Variants in LAMA5 observed in about 807,000 individuals in gnomAD.
LAMA5 encodes laminin subunit alpha-5.
LAMA5 carries 260 observed loss-of-function variants against 433.4 expected under a neutral mutation model. The observed-to-expected ratio is 0.60, with a 90% CI of 0.54 to 0.66. The LOEUF (loss-of-function observed/expected upper bound fraction) is 0.66, where lower values mean the gene tolerates loss of function less well. Among genes scored for constraint, LAMA5 ranks in the 30% least tolerant of loss-of-function variants. LAMA5 has a pLI of 0.00. For missense variants in LAMA5, 5,378 were observed against 5,258.5 expected (o/e 1.02, Z -0.70); for synonymous variants, 2,620 against 2,226.6 (o/e 1.18, Z -4.97).
Position 62,320,830 on chromosome 20 carries a change from G to T in LAMA5, c.6557C>A (p.Pro2186His), listed in dbSNP as rs1987622394. The T allele has an allele frequency of 6.2e-7, 1 of 1,612,504 alleles. No individual in the cohort carries two copies. The highest frequency in any genetic ancestry group is 1.7e-5 in the Admixed American group (1 of 59,954). ...GCCACGCAGTTGCTCGTGAATGGCGGGGAGGAGGGCGCCGGCCCGTTCCAG... is the reference window on the plus strand; with the variant it reads ...GCCACGCAGTTGCTCGTGAATGGCGTGGAGGAGGGCGCCGGCCCGTTCCAG... ...DDLERAGALLPAIHEQLRGIN... is the reference protein window; with the variant it reads ...DDLERAGALLHAIHEQLRGIN... Residue 2186 changes from proline (P) to histidine (H), a missense_variant, in exon 49 of 80, where the codon CCC (proline) becomes CAC (histidine). Physicochemically the swap from Pro to His is moderately conservative, Grantham distance 77. Coordinates refer to ENST00000252999, the MANE Select transcript of LAMA5 (RefSeq NM_005560.6).
At position 62,316,927 on chromosome 20, in the gene LAMA5, C is replaced by T. The variant is rs1441683272; in HGVS notation, c.7608G>A (p.Glu2536=). ...GCTGCAGGGCCTGGCCAGCAGCATC[C>T]TCGGCAGCCTGCACGGCCTGCAGGA... ...SRILQAVQAA[E]DAAGQALQQA... Residue 2536 remains glutamate (E), a synonymous_variant, in exon 56 of 80, where the codon GAG becomes GAA. Transcript: ENST00000252999. The T allele has an allele frequency of 2.9e-5, 45 of 1,554,318 alleles. No homozygotes were observed. Among genetic ancestry groups the T allele is most frequent in the Non-Finnish European group, 3.9e-5 (45 of 1,147,852 alleles).
intron 46 of LAMA5, 89 bp downstream of exon 46, chr20:62,322,569 C>A (rs1212149143): frequency 1.4e-6 from 2 of 1,413,216 alleles, no homozygotes; most frequent in African/African-American, 2.8e-5. Context: ...CAAACACTGC[C>A]CCTCAGCCCC....
chr20:62,318,598 T>C lies in LAMA5; in HGVS notation c.7095A>G (p.Ala2365=), dbSNP rs1987311852. The C allele has an allele frequency of 1.9e-6, 3 of 1,610,796 alleles. No individual in the cohort carries two copies. The highest frequency in any genetic ancestry group is 2.2e-5 in the East Asian group (1 of 44,816). The change falls in exon 53 of 80, where the codon GCA becomes GCG. Residue 2365 remains alanine (A), a synonymous_variant. Transcript: ENST00000252999. ...QLSSLWEENQ[A]LATQTRDRLA... ...GCCGGTCGCGGGTTTGTGTGGCCAG[T>C]GCCTGGTTCTCCTCCCAGAGGCTGC...
chr20:62,318,227 A>G (rs1174234993), intron 53 of LAMA5, among the ~76,000 whole-genome samples: 1 of 70 alleles, frequency 0.014, no homozygotes, highest in South Asian at 0.25. Flanking sequence ...AGGAGAGAGG[A>G]GAAGGGGAGA....
In LAMA5 at chr20:62,327,650, T is replaced by C. The variant is rs1295372787; in HGVS notation, c.4817A>G (p.Lys1606Arg). 1.9e-6 allele frequency: 3 copies of C among 1,612,914 alleles called. No homozygotes were observed. The highest frequency in any genetic ancestry group is 2.2e-5 in the East Asian group (1 of 44,882). The change falls in exon 37 of 80, where the codon AAA (lysine) becomes AGA (arginine). Residue 1606 changes from lysine (K) to arginine (R), a missense_variant. Physicochemically the swap from Lys to Arg is conservative, Grantham distance 26 (BLOSUM62 2). Transcript: ENST00000252999. ...GGTCCCAAGGCTGCACTGGTCACAT[T>C]TGGGGCCCTGCACGTTCTCCTAGGG... is the stretch of plus-strand genomic sequence containing the variant. ...CYCKENVQGP[K>R]CDQCSLGTFS...
chr20:62,358,081 G>A (rs1568985033), intron 2 of LAMA5, among the ~76,000 whole-genome samples: 1 of 151,778 alleles, frequency 6.6e-6, no homozygotes, highest in East Asian at 1.9e-4. Context: ...GGAAGCCTTT[G>A]GGGACCACCA....
Position 62,328,985 on chromosome 20 carries a change from G to A in LAMA5, c.4306C>T (p.Arg1436Cys), listed in dbSNP as rs775539903. 1.2e-5 allele frequency: 19 copies of A among 1,612,544 alleles called. No homozygotes were observed. Among genetic ancestry groups the A allele is most frequent in the South Asian group, 3.3e-5 (3 of 91,058 alleles). Residue 1436 changes from arginine to cysteine, a missense_variant, in exon 34 of 80, where the codon CGT (arginine) becomes TGT (cysteine). By Grantham distance (180) the Arg-to-Cys change is radical. Transcript: ENST00000252999. ...CCTACTTCGTGGCAGCCACATGGAC[G>A]GGCTCCGTTGTTATAGAAGAGGGAG... ...SLSLFYNNGA[R>C]PCGCHEVGAT...
In LAMA5 at chr20:62,310,837, C is replaced by T; in HGVS notation, c.10282-8G>A. 6.4e-7 allele frequency: 1 copy of T among 1,573,822 alleles called. No individual in the cohort carries two copies. Among genetic ancestry groups the T allele is most frequent in the Non-Finnish European group, 8.6e-7 (1 of 1,159,582 alleles). On this transcript the variant is annotated splice_region_variant and splice_polypyrimidine_tract_variant and intron_variant, in intron 74 of 79. Transcript: ENST00000252999. ...CTCCCAGCGCACGGAGACCTGGGGGCAGGAGATGGGTCAGGGTAGGGCTGC... is the reference window on the plus strand; with the variant it reads ...CTCCCAGCGCACGGAGACCTGGGGGTAGGAGATGGGTCAGGGTAGGGCTGC...
intron 58 of LAMA5, among the ~76,000 whole-genome samples, chr20:62,315,684 C>G (rs552859721): frequency 3.3e-5 from 5 of 152,184 alleles, no homozygotes; most frequent in Admixed American, 1.3e-4. Flanking sequence ...CCAATCCCCC[C>G]CAAGGCCTAC....
At chr20:62,332,826 TC>T in intron 26 of LAMA5, 109 bp from the exon 27 acceptor site, 1 of 1,381,122 alleles carries the variant, frequency 7.2e-7, no homozygotes, top group Non-Finnish European at 9.8e-7. Context: ...TTCAGCCGAG[TC>T]CCACCCTGGC....
Position 62,309,286 on chromosome 20 carries a change from G to A in LAMA5, c.*50C>T, listed in dbSNP as rs558982176. The stretch of plus-strand genomic sequence containing the variant: ...CACCTATGAGGCGAGCACAAGGGGC[G>A]GTGTGAGGCAGCTGCAGGGGCCTGA... On this transcript the variant is annotated 3_prime_UTR_variant, in exon 80 of 80. Coordinates refer to ENST00000252999, the MANE Select transcript of LAMA5 (RefSeq NM_005560.6). 2.9e-5 allele frequency: 46 copies of A among 1,570,316 alleles called. No individual in the cohort carries two copies. The highest frequency in any genetic ancestry group is 2.3e-4 in the Middle Eastern group (1 of 4,360).
chr20:62,334,766 A>G (rs1383814909), intron 20 of LAMA5, 145 bp from the exon 21 acceptor site: 3 of 607,234 alleles, frequency 4.9e-6, no homozygotes, highest in Non-Finnish European at 8.4e-6. Flanking sequence ...GGCGAGGGCG[A>G]GGGCGAGGGT....
intron 48 of LAMA5, among the ~76,000 whole-genome samples, chr20:62,321,535 T>TGGCGCCAGTGGAGGAAGAG (rs201920668): frequency 0.49 from 3,072 of 6,234 alleles, 1,169 homozygotes; most frequent in East Asian, 0.68. Flanking sequence ...AGTGAAAGGG[T>TGGCGCCAGTGGAGGAAGAG]GGCGCCAGTG....
Position 62,336,347 on chromosome 20 carries a change from G to A in LAMA5, c.2316C>T (p.Gly772=), listed in dbSNP as rs762159210. ...ACTCCAGGGCACACTCACGGGTACA[G>A]CCCTCGGGGTTGCTGGGGCTCAGTC... ...FWGLSPSNPE[G]CTRCSCDLRG... The change falls in exon 18 of 80, where the codon GGC becomes GGT. Residue 772 remains glycine, a synonymous_variant. Transcript: ENST00000252999. 1.2e-6 allele frequency: 2 copies of A among 1,609,166 alleles called. No individual in the cohort carries two copies. Among genetic ancestry groups the A allele is most frequent in the Non-Finnish European group, 8.5e-7 (1 of 1,177,586 alleles).
chr20:62,364,077 T>C (rs1170334852), intron 1 of LAMA5, among the ~76,000 whole-genome samples: 1 of 152,134 alleles, frequency 6.6e-6, no homozygotes, highest in Admixed American at 6.5e-5. Context: ...ACCCTCCTTA[T>C]TCCCGCTGTG....
At position 62,314,356 on chromosome 20, in the gene LAMA5, G is replaced by A; in HGVS notation, c.8452C>T (p.Leu2818=). The change falls in exon 62 of 80, where the codon CTA becomes TTA. Residue 2818 remains leucine (L), a synonymous_variant. Transcript: ENST00000252999. ...TCCCCAATGTCCTCATCGATGCTTA[G>A]GACTGCAGGGCCCGCCTCACCCAGC... ...YQLGEAGPAV[L]SIDEDIGEQF... is the part of the protein sequence containing the mutation. The A allele has an allele frequency of 6.2e-7, 1 of 1,613,400 alleles. No individual in the cohort carries two copies. The highest frequency in any genetic ancestry group is 8.5e-7 in the Non-Finnish European group (1 of 1,179,940).
At chr20:62,328,179 C>A in intron 35 of LAMA5, 62 bp downstream of exon 35, 1 of 1,525,878 alleles carries the variant, frequency 6.6e-7, no homozygotes, top group South Asian at 1.2e-5. Flanking sequence ...GACCCTCTGG[C>A]TAGAGGAAAT....
chr20:62,338,008 C>G lies in LAMA5; in HGVS notation c.1891+8G>C. 1 of 1,595,556 alleles carries G rather than the reference C, an allele frequency of 6.3e-7. No homozygotes were observed. The highest frequency in any genetic ancestry group is 8.6e-7 in the Non-Finnish European group (1 of 1,168,944). ...CAGAACCCCTTCCTGCCCTGACCCT[C>G]TGCTCACCTTGGCAGTTGGGGAAAC... On this transcript the variant is annotated splice_region_variant and intron_variant, in intron 14 of 79. Transcript: ENST00000252999.
chr20:62,354,447 C>T (rs186632610), intron 2 of LAMA5, among the ~76,000 whole-genome samples: 243 of 152,058 alleles, frequency 1.6e-3, no homozygotes, highest in African/African-American at 5.6e-3. Context: ...TATCTGCACC[C>T]ACCCGACATG....
Sources: gnomAD v4.1 joint callset for allele counts (sites outside exome capture counted in the v4.1 genomes callset) on GRCh38, gnomAD v4.1.1 for gene constraint, MANE v1.5 for transcripts, NCBI Gene and HGNC (gene_info 2026-07-23, HGNC 2026-07-21) for gene names.